The following COL19A1 variants were observed in gnomAD, a reference collection of about 807,000 sequenced individuals.
COL19A1 encodes the protein collagen type XIX alpha 1 chain.
COL19A1 carries 159 observed loss-of-function variants against 190.2 expected under a neutral mutation model. That is an observed-to-expected ratio of 0.84 (90% CI 0.73 to 0.95). The LOEUF (loss-of-function observed/expected upper bound fraction) is 0.95. Ranked by LOEUF, COL19A1 falls within the 40% of genes least tolerant of loss-of-function variation. The probability of loss-of-function intolerance (pLI) is 0.00; values close to 1 mark genes in which losing one functional copy is unlikely to be tolerated. For synonymous variants in COL19A1, 509 were observed against 458.9 expected (o/e 1.11, Z -1.39); for missense variants, 1,418 against 1,431.9 (o/e 0.99, Z 0.16).
chr6:70,181,788 G>T (rs746530427), intron 44 of COL19A1, among the ~76,000 whole-genome samples: 5 of 152,046 alleles, frequency 3.3e-5, no homozygotes, highest in Non-Finnish European at 5.9e-5. Flanking sequence ...CCTGCATAAA[G>T]TGAGAAGTCA....
rs570264980 is a variant in COL19A1 at position 69,984,554 on chromosome 6, C to T, written c.1026+21684C>T. The stretch of plus-strand genomic sequence containing the variant: ...TAATATTTACATCCTGTTCTTAAGT[C>T]GCAAGCCCTAATTTTTATCTTATTT... On this transcript the variant is annotated intron_variant, in intron 11 of 50. Transcript: ENST00000620364. Among the ~76,000 whole-genome samples, 12 of 152,140 alleles carry T rather than the reference C, an allele frequency of 7.9e-5. No homozygotes were observed. The South Asian group carries it at 1.7e-3, about 21-fold the overall frequency.
chr6:70,008,825 A>G (rs1777800260), intron 11 of COL19A1, among the ~76,000 whole-genome samples: 1 of 151,928 alleles, frequency 6.6e-6, no homozygotes, highest in South Asian at 2.1e-4. Context: ...ACTGAATCCA[A>G]TAACATATAG....
chr6:70,143,472 A>G (rs560850332), intron 23 of COL19A1, among the ~76,000 whole-genome samples: 1 of 152,238 alleles, frequency 6.6e-6, no homozygotes, highest in South Asian at 2.1e-4. Flanking sequence ...ATCCTTGGCC[A>G]TAACTCCTTG....
chr6:70,146,361 T>A (rs1429208635), intron 25 of COL19A1, among the ~76,000 whole-genome samples: 3 of 152,184 alleles, frequency 2.0e-5, no homozygotes, highest in South Asian at 2.1e-4. Flanking sequence ...CCAATGTTTT[T>A]AAAATATGTT....
intron 34 of COL19A1, among the ~76,000 whole-genome samples, chr6:70,157,228 G>A (rs891692416): frequency 6.6e-6 from 1 of 151,994 alleles, no homozygotes; most frequent in African/African-American, 2.4e-5. Context: ...AAAAAAAACT[G>A]TCAGAAAAAT....
At chr6:69,899,542 G>C (rs1336855234) in intron 3 of COL19A1, among the ~76,000 whole-genome samples, 1 of 151,360 alleles carries the variant, frequency 6.6e-6, no homozygotes, top group African/African-American at 2.4e-5. Flanking sequence ...TCAACCTCTT[G>C]GAGAAAAAAA....
intron 11 of COL19A1, among the ~76,000 whole-genome samples, chr6:70,002,559 C>G (rs1411030394): frequency 6.6e-6 from 1 of 151,324 alleles, no homozygotes; most frequent in Non-Finnish European, 1.5e-5. Context: ...TATTCATGGT[C>G]TATTCATCCT....
intron 46 of COL19A1, among the ~76,000 whole-genome samples, chr6:70,187,500 C>CTCTTGGCAATCTTCCTTTATCATTGCAA (rs1172797133): frequency 0.032 from 14 of 432 alleles, no homozygotes; most frequent in African/African-American, 0.067. Flanking sequence ...TAATGAGATC[C>CTCTTGGCAATCTTCCTTTATCATTGCAA]AGGGGAAAGC....
chr6:69,942,635 G>T (rs1773543727), intron 9 of COL19A1, among the ~76,000 whole-genome samples: 1 of 151,592 alleles, frequency 6.6e-6, no homozygotes, highest in Non-Finnish European at 1.5e-5. Context: ...ATCCTTCTGT[G>T]CCTGGCTTAT....
chr6:69,989,258 A>G (rs1776474731), intron 11 of COL19A1, among the ~76,000 whole-genome samples: 1 of 152,176 alleles, frequency 6.6e-6, no homozygotes, highest in South Asian at 2.1e-4. Context: ...CTCAATGGCT[A>G]AAAGAGCATG....
chr6:70,053,785 C>A (rs1366988431), intron 14 of COL19A1, among the ~76,000 whole-genome samples: 3 of 152,082 alleles, frequency 2.0e-5, no homozygotes, highest in African/African-American at 7.2e-5. Context: ...CCATTTAACA[C>A]CCACAAATTG....
At chr6:69,908,188 A>T (rs1770684671) in intron 4 of COL19A1, among the ~76,000 whole-genome samples, 1 of 152,236 alleles carries the variant, frequency 6.6e-6, no homozygotes, top group Non-Finnish European at 1.5e-5. Flanking sequence ...TTCTCAAAAC[A>T]AATTCAGAGG....
At chr6:70,118,253 T>C (rs1442011075) in intron 16 of COL19A1, among the ~76,000 whole-genome samples, 1 of 152,222 alleles carries the variant, frequency 6.6e-6, no homozygotes, top group East Asian at 1.9e-4. Context: ...GCTGGTAGGA[T>C]AGCCACCAAT....
At chr6:70,046,427 C>G (rs946052850) in intron 14 of COL19A1, among the ~76,000 whole-genome samples, 1 of 152,160 alleles carries the variant, frequency 6.6e-6, no homozygotes, top group African/African-American at 2.4e-5. Context: ...GGATTCAACT[C>G]TCATTGCATT....
chr6:69,902,485 C>T (rs1770252776), intron 4 of COL19A1, among the ~76,000 whole-genome samples: 1 of 152,246 alleles, frequency 6.6e-6, no homozygotes, highest in Middle Eastern at 3.4e-3. Flanking sequence ...TTTGCAGGGG[C>T]CTTCCAGATA....
chr6:69,979,017 A>AAATGATTTCCTCAAAAAAGTTATTC (rs1775884560), intron 11 of COL19A1, among the ~76,000 whole-genome samples: 1 of 151,954 alleles, frequency 6.6e-6, no homozygotes, highest in Non-Finnish European at 1.5e-5. Flanking sequence ...AATATAAAAA[A>AAATGATTTCCTCAAAAAAGTTATTC]TTGACCAAGA....
chr6:70,031,618 A>C (rs1779079949), intron 12 of COL19A1, among the ~76,000 whole-genome samples: 1 of 152,100 alleles, frequency 6.6e-6, no homozygotes, highest in Non-Finnish European at 1.5e-5. Context: ...AGTTCCATCC[A>C]TGTTGCTGCA....
intron 28 of COL19A1, 45 bp downstream of exon 28, chr6:70,149,784 T>C: frequency 6.2e-7 from 1 of 1,613,544 alleles, no homozygotes; most frequent in Non-Finnish European, 8.5e-7. Flanking sequence ...GCCAGCTTGC[T>C]TACTTGGGGG....
intron 4 of COL19A1, among the ~76,000 whole-genome samples, chr6:69,905,271 G>T (rs1030455085): frequency 3.9e-5 from 6 of 152,220 alleles, no homozygotes; most frequent in African/African-American, 1.4e-4. Flanking sequence ...CACTTGGAGG[G>T]CTGTAGGCAG....
Sources: gnomAD v4.1 joint callset for allele counts (sites outside exome capture counted in the v4.1 genomes callset) on GRCh38, gnomAD v4.1.1 for gene constraint, MANE v1.5 for transcripts, NCBI Gene and HGNC (gene_info 2026-07-23, HGNC 2026-07-21) for gene names.